The following ZNF626 variants were observed in gnomAD, a reference collection of about 807,000 sequenced individuals.
ZNF626 encodes the protein CTC-513N18.7.
In ZNF626, 4 loss-of-function variants were observed where a neutral mutation model predicts 11.7. The ratio of observed to expected loss-of-function variants is 0.34; its 90% CI spans 0.17 to 0.78. ZNF626 has a LOEUF of 0.78. Among genes scored for constraint, ZNF626 ranks in the 30% least tolerant of loss-of-function variants. ZNF626 has a pLI of 0.57. For synonymous variants in ZNF626, 179 were observed against 198.6 expected, an observed-to-expected ratio of 0.90 and a Z score of 0.83; for missense variants, 588 against 587.1, an observed-to-expected ratio of 1.00 and a Z score of -0.01.
At chr19:20,655,549 A>T (rs1970195467) in intron 1 of ZNF626, among the ~76,000 whole-genome samples, 1 of 152,220 alleles carries the variant, frequency 6.6e-6, no homozygotes. Context: ...CAAAACTTTT[A>T]TTTAGCTGTT....
rs1357622494 is a variant in ZNF626, at chr19:20,624,345, A to G, written c.1532T>C (p.Val511Ala). 1 of 1,461,914 alleles carries G rather than the reference A, an allele frequency of 6.8e-7. No individual in the cohort carries two copies. Among genetic ancestry groups the G allele is most frequent in the Non-Finnish European group, 9.2e-7 (1 of 1,088,860 alleles). The allele number at this position is 1,461,914 out of a possible 1,614,324, so 90.6% of individuals were successfully genotyped here. A position where few individuals can be genotyped will look rare whatever the true frequency, so the allele number is the denominator to read the frequency against. Reference sequence around the variant, plus strand: ...GCTTGAAGGCTTTGCCACATTCTTCACATTTGTAGAATTTCTCTCCAGTAT... The same window carrying G: ...GCTTGAAGGCTTTGCCACATTCTTCGCATTTGTAGAATTTCTCTCCAGTAT... ...RIILERNSTNVKNVAKPSSGP... is the reference protein window; with the variant it reads ...RIILERNSTNAKNVAKPSSGP... The change falls in exon 4 of 4, where the codon GTG (valine) becomes GCG (alanine). Residue 511 changes from valine (V) to alanine (A), a missense_variant. Coordinates refer to ENST00000601440, the MANE Select transcript of ZNF626 (RefSeq NM_001076675.3).
At chr19:20,651,980 G>T (rs1970150817) in intron 1 of ZNF626, among the ~76,000 whole-genome samples, 1 of 152,036 alleles carries the variant, frequency 6.6e-6, no homozygotes, top group Admixed American at 6.6e-5. Context: ...CCTTCTGGAG[G>T]TTCTCACATC....
chr19:20,644,514 G>C (rs1970054461), intron 3 of ZNF626, among the ~76,000 whole-genome samples: 1 of 152,060 alleles, frequency 6.6e-6, no homozygotes, highest in Non-Finnish European at 1.5e-5. Flanking sequence ...CACCCTAAGG[G>C]CCCAATAAAA....
At chr19:20,655,766 C>CAA (rs1282932084) in intron 1 of ZNF626, among the ~76,000 whole-genome samples, 1 of 151,122 alleles carries the variant, frequency 6.6e-6, no homozygotes, top group Non-Finnish European at 1.5e-5. Flanking sequence ...ACTAAAAATA[C>CAA]AAAAAAAAGA....
intron 3 of ZNF626, among the ~76,000 whole-genome samples, chr19:20,638,727 T>C (rs1969992570): frequency 6.6e-6 from 1 of 152,060 alleles, no homozygotes; most frequent in Non-Finnish European, 1.5e-5. Context: ...ATAACTATAA[T>C]ATTTATCTTT....
Position 20,625,004 on chromosome 19 carries a change from G to A in ZNF626, c.873C>T (p.Gly291=). The A allele has an allele frequency of 6.2e-7, 1 of 1,613,826 alleles. No homozygotes were observed. The highest frequency in any genetic ancestry group is 8.5e-7 in the Non-Finnish European group (1 of 1,179,978). ...GGGTTGAGGACCGGTTGAAGGCTTT[G>A]CCACATTCTTCACATTTGTAGGGTT... is the stretch of plus-strand genomic sequence containing the variant. ...EKKPYKCEEC[G]KAFNRSSTLT... The change falls in exon 4 of 4, where the codon GGC becomes GGT. Residue 291 remains glycine (G), a synonymous_variant. Transcript: ENST00000601440.
chr19:20,646,198 GAATA>G (rs1970075142), intron 2 of ZNF626, 77 bp downstream of exon 2: 13 of 1,422,480 alleles, frequency 9.1e-6, no homozygotes, highest in East Asian at 2.6e-5. Context: ...TTTATGCAAA[GAATA>G]AATTACTAAA....
intron 3 of ZNF626, among the ~76,000 whole-genome samples, chr19:20,641,259 C>T (rs1970021767): frequency 6.6e-6 from 1 of 151,798 alleles, no homozygotes; most frequent in Non-Finnish European, 1.5e-5. Flanking sequence ...TTTAAAAATA[C>T]GTCAAAAAAT....
rs182762139 is a variant in ZNF626, at chr19:20,632,407, C to T, written c.227-6757G>A. On this transcript the variant is annotated intron_variant, in intron 3 of 3. Transcript: ENST00000601440. Reference sequence around the variant, plus strand: ...CTTTCCAACTTGGTTCCATTCTCCCCGTCACTTTTAGATACACCAATCAGA... The same window carrying T: ...CTTTCCAACTTGGTTCCATTCTCCCTGTCACTTTTAGATACACCAATCAGA... 1.3e-3 allele frequency among the ~76,000 whole-genome samples: 204 copies of T among 152,276 alleles called. 2 individuals are homozygous for T. The highest frequency in any genetic ancestry group is 4.7e-3 in the African/African-American group (194 of 41,556).
At chr19:20,652,505 C>A (rs1449239415) in intron 1 of ZNF626, among the ~76,000 whole-genome samples, 1 of 152,062 alleles carries the variant, frequency 6.6e-6, no homozygotes, top group Non-Finnish European at 1.5e-5. Flanking sequence ...TATTTATTTA[C>A]AAAAATAACA....
chr19:20,626,741 G>A (rs556146417), intron 3 of ZNF626, among the ~76,000 whole-genome samples: 19 of 152,064 alleles, frequency 1.2e-4, no homozygotes, highest in East Asian at 7.8e-4. Context: ...TAGGCTGGGC[G>A]CAATGGCTCA....
At chr19:20,652,024 T>C (rs1260989479) in intron 1 of ZNF626, among the ~76,000 whole-genome samples, 1 of 152,158 alleles carries the variant, frequency 6.6e-6, no homozygotes, top group Non-Finnish European at 1.5e-5. Context: ...ATGTGAAAAA[T>C]CTCACAGAAC....
chr19:20,648,955 C>T (rs1427361620), intron 1 of ZNF626, among the ~76,000 whole-genome samples: 1 of 152,068 alleles, frequency 6.6e-6, no homozygotes, highest in Non-Finnish European at 1.5e-5. Context: ...AGACTCTTGA[C>T]TATCGTAAGA....
rs1970097568 is a variant in ZNF626 at position 20,647,709 on chromosome 19, A to G, written c.4-1304T>C. Among the ~76,000 whole-genome samples, 3 of 151,936 alleles carry G rather than the reference A, an allele frequency of 2.0e-5. No homozygotes were observed. The South Asian group carries it at 6.3e-4, about 32-fold the overall frequency. The stretch of plus-strand genomic sequence containing the variant: ...CACCGTGTTAGCCGGGATGGTCTCG[A>G]TCTCCTGACCTCGTGATCCACCCAC... On this transcript the variant is annotated intron_variant, in intron 1 of 3. Coordinates refer to ENST00000601440, the MANE Select transcript of ZNF626 (RefSeq NM_001076675.3).
At chr19:20,638,567 C>G (rs1203753474) in intron 3 of ZNF626, among the ~76,000 whole-genome samples, 1 of 151,750 alleles carries the variant, frequency 6.6e-6, no homozygotes, top group African/African-American at 2.4e-5. Flanking sequence ...GCTGAAGTAA[C>G]AGAATGGAAA....
At chr19:20,639,053 C>G (rs1412899740) in intron 3 of ZNF626, among the ~76,000 whole-genome samples, 1 of 152,046 alleles carries the variant, frequency 6.6e-6, no homozygotes, top group Non-Finnish European at 1.5e-5. Context: ...TCTCAGGAAA[C>G]TTACAATCAT....
rs1555771854 is a variant in ZNF626 at position 20,645,798 on chromosome 19, A to G, written c.131-19T>C. 2.5e-6 allele frequency: 4 copies of G among 1,589,574 alleles called. No homozygotes were observed. Among genetic ancestry groups the G allele is most frequent in the African/African-American group, 1.3e-5 (1 of 74,124 alleles). On this transcript the variant is annotated intron_variant, in intron 2 of 3. Coordinates refer to ENST00000601440, the MANE Select transcript of ZNF626 (RefSeq NM_001076675.3). ...GTAATACCTGTTTTATTAAAAATAA[A>G]TAACATAAATCTTGCTTATGTTCTC...
At chr19:20,630,306 G>A (rs1969888204) in intron 3 of ZNF626, among the ~76,000 whole-genome samples, 1 of 152,124 alleles carries the variant, frequency 6.6e-6, no homozygotes, top group South Asian at 2.1e-4. Flanking sequence ...AATGAGTTAG[G>A]GAGGATTCCC....
chr19:20,650,906 C>T (rs1555772529), intron 1 of ZNF626, among the ~76,000 whole-genome samples: 1 of 152,012 alleles, frequency 6.6e-6, no homozygotes, highest in Non-Finnish European at 1.5e-5. Flanking sequence ...AATAGAAATA[C>T]GGCTGGGCCT....
Sources: allele counts gnomAD v4.1 joint callset (sites outside exome capture counted in the v4.1 genomes callset), GRCh38; gene constraint gnomAD v4.1.1; transcripts MANE v1.5; gene names NCBI Gene and HGNC (gene_info 2026-07-23, HGNC 2026-07-21).